The following KCTD19 variants were observed in gnomAD, a reference collection of about 807,000 sequenced individuals.
KCTD19 encodes the protein BTB/POZ domain-containing protein KCTD19.
In KCTD19, 67 loss-of-function variants were observed where a neutral mutation model predicts 103.5. The ratio of observed to expected loss-of-function variants is 0.65; its 90% CI spans 0.53 to 0.79. KCTD19 has a LOEUF of 0.79. KCTD19 is among the 30% of genes least tolerant of loss of function. The probability of loss-of-function intolerance (pLI) is 0.00; values close to 1 mark genes in which losing one functional copy is unlikely to be tolerated. For synonymous variants in KCTD19, 439 were observed against 452.2 expected (o/e 0.97, Z 0.37); for missense variants, 980 against 1,136.1 (o/e 0.86, Z 1.98).
intron 2 of KCTD19, among the ~76,000 whole-genome samples, chr16:67,308,451 C>T (rs983319797): frequency 1.3e-5 from 2 of 152,272 alleles, no homozygotes; most frequent in East Asian, 3.9e-4. Context: ...AGGCATGAGC[C>T]ACTGCGCCCA....
intron 2 of KCTD19, among the ~76,000 whole-genome samples, chr16:67,317,847 A>G (rs1052940951): frequency 8.5e-5 from 13 of 152,208 alleles, no homozygotes; most frequent in Non-Finnish European, 4.4e-5. Flanking sequence ...AATGCTCTTC[A>G]TAAATACTGG....
At chr16:67,302,096 A>T in intron 4 of KCTD19, 174 bp from the exon 5 acceptor site, 1 of 581,794 alleles carries the variant, frequency 1.7e-6, no homozygotes, top group Non-Finnish European at 3.0e-6. Context: ...TTCAAGGCGA[A>T]AGACCCCACA....
intron 2 of KCTD19, among the ~76,000 whole-genome samples, chr16:67,310,636 A>AAAAATAT (rs2036939445): frequency 2.0e-5 from 3 of 152,210 alleles, no homozygotes; most frequent in African/African-American, 7.2e-5. Context: ...GTCAATCAGA[A>AAAAATAT]GCAACATAAA....
intron 6 of KCTD19, 87 bp from the exon 7 acceptor site, chr16:67,297,750 C>G (rs189212967): frequency 5.4e-5 from 70 of 1,291,418 alleles, no homozygotes; most frequent in Non-Finnish European, 7.0e-5. Flanking sequence ...CCTAGGATGC[C>G]TTGCCGCAAC....
intron 12 of KCTD19, among the ~76,000 whole-genome samples, chr16:67,292,781 T>C (rs1229845413): frequency 6.6e-6 from 1 of 152,180 alleles, no homozygotes; most frequent in Non-Finnish European, 1.5e-5. Context: ...TGCTGTCTCC[T>C]GGGCTTCTCC....
At chr16:67,315,906 G>A (rs925589260) in intron 2 of KCTD19, among the ~76,000 whole-genome samples, 18 of 152,212 alleles carry the variant, frequency 1.2e-4, no homozygotes, top group Admixed American at 5.9e-4. Flanking sequence ...GAGCCACCGC[G>A]TCTGGCCTAA....
At chr16:67,311,316 A>C (rs2142516142) in intron 2 of KCTD19, among the ~76,000 whole-genome samples, 1 of 151,086 alleles carries the variant, frequency 6.6e-6, no homozygotes, top group Admixed American at 6.6e-5. Flanking sequence ...TTTTTTTTTG[A>C]GATGGAGTCT....
At chr16:67,325,860 T>C (rs2037153592) in intron 1 of KCTD19, 1 of 151,986 alleles carries the variant, frequency 6.6e-6, no homozygotes, top group Non-Finnish European at 1.5e-5. Flanking sequence ...AGCTTCTCTC[T>C]TTCCCACGCT....
At position 67,303,234 on chromosome 16, in the gene KCTD19, A is replaced by G. The variant is rs2036856742; in HGVS notation, c.555T>C (p.Tyr185=). 3 of 1,613,510 alleles carry G rather than the reference A, an allele frequency of 1.9e-6. No individual in the cohort carries two copies. In the African/African-American group the frequency reaches 4.0e-5, roughly 22 times the overall value. ...CFLPLDLVAK[Y]PSLVTEDNLL... is the part of the protein sequence containing the mutation. ...GGTTGTCTTCAGTCACTAGGCTGGG[A>G]TATTTGGCCACCAGGTCTAGGGGCA... Residue 185 remains tyrosine (Y), a synonymous_variant, in exon 4 of 16, where the codon TAT becomes TAC. Transcript: ENST00000304372. This position sits in a 1 kb window ranked among gnomAD's most constrained non-coding sequence, Gnocchi z 4.3.
chr16:67,299,655 C>T, intron 5 of KCTD19, 82 bp from the exon 6 acceptor site: 1 of 1,149,760 alleles, frequency 8.7e-7, no homozygotes, highest in East Asian at 2.4e-5. Context: ...GTTCCTACTG[C>T]TGCCTCCATT....
intron 1 of KCTD19, among the ~76,000 whole-genome samples, chr16:67,324,692 T>C (rs988629022): frequency 2.6e-5 from 4 of 152,194 alleles, no homozygotes; most frequent in Non-Finnish European, 4.4e-5. Context: ...GCATTTCCCA[T>C]TCTGACAGCT....
At chr16:67,299,197 A>T (rs1335288252) in intron 6 of KCTD19, among the ~76,000 whole-genome samples, 166 bp downstream of exon 6, 1 of 152,224 alleles carries the variant, frequency 6.6e-6, no homozygotes, top group Non-Finnish European at 1.5e-5. Flanking sequence ...TGAGGCCCTA[A>T]CCTGGTGGTA....
At chr16:67,322,329 G>C (rs7203074) in intron 1 of KCTD19, among the ~76,000 whole-genome samples, 1 of 145,630 alleles carries the variant, frequency 6.9e-6, no homozygotes, top group African/African-American at 2.5e-5. Flanking sequence ...ACGGAGTCTC[G>C]CTGTATCACC....
At chr16:67,295,216 G>C (rs753506912) in intron 9 of KCTD19, 47 bp downstream of exon 9, 1 of 1,605,186 alleles carries the variant, frequency 6.2e-7, no homozygotes, top group Non-Finnish European at 8.5e-7. Flanking sequence ...GCTAAGGGAG[G>C]GGTCAGCCTT....
intron 7 of KCTD19, 132 bp from the exon 8 acceptor site, chr16:67,296,391 G>C: frequency 1.5e-6 from 1 of 652,578 alleles, no homozygotes; most frequent in East Asian, 2.7e-5. Context: ...TGCCTAGTCT[G>C]AGAAGCAGCA....
chr16:67,315,959 G>T (rs1395290287), intron 2 of KCTD19, among the ~76,000 whole-genome samples: 1 of 152,138 alleles, frequency 6.6e-6, no homozygotes, highest in South Asian at 2.1e-4. Flanking sequence ...ATACCTGCAT[G>T]CCTTACCCCT....
At chr16:67,294,206 T>C (rs1047238711) in intron 11 of KCTD19, 35 bp from the exon 12 acceptor site, 4 of 1,576,734 alleles carry the variant, frequency 2.5e-6, no homozygotes, top group Admixed American at 1.8e-5. Context: ...TCTGGATAGG[T>C]TGGGCATGGA....
intron 4 of KCTD19, 156 bp from the exon 5 acceptor site, chr16:67,302,078 G>A (rs2142508895): frequency 1.5e-6 from 1 of 660,478 alleles, no homozygotes; most frequent in Non-Finnish European, 2.6e-6. Context: ...AGCTTTGAGT[G>A]TGTGGTTTTC....
At chr16:67,314,428 T>C (rs986939567) in intron 2 of KCTD19, among the ~76,000 whole-genome samples, 49 of 152,090 alleles carry the variant, frequency 3.2e-4, no homozygotes, top group African/African-American at 1.1e-3. Context: ...TAACAGTCAC[T>C]GCTCATTCTC....
Sources: gnomAD v4.1 joint callset for allele counts (sites outside exome capture counted in the v4.1 genomes callset) on GRCh38, gnomAD v4.1.1 for gene constraint, Gnocchi (gnomAD v3.1) non-coding constraint, MANE v1.5 for transcripts, NCBI Gene and HGNC (gene_info 2026-07-23, HGNC 2026-07-21) for gene names.